Variants in ABCC1 observed in about 807,000 individuals in gnomAD.
ABCC1 encodes ATP binding cassette subfamily C member 1 (ABCC1 blood group).
Under a neutral mutation model 172.9 loss-of-function variants are expected in ABCC1, and 83 were observed. The observed-to-expected ratio is 0.48, with a 90% CI of 0.40 to 0.58. The LOEUF (loss-of-function observed/expected upper bound fraction) is 0.58, where lower values mean the gene tolerates loss of function less well. Ranked by LOEUF, ABCC1 falls within the 20% of genes least tolerant of loss-of-function variation. The pLI is 0.00. For synonymous variants in ABCC1, 937 were observed against 825.2 expected, an observed-to-expected ratio of 1.14 and a Z score of -2.32; for missense variants, 1,817 against 2,002.7, an observed-to-expected ratio of 0.91 and a Z score of 1.77.
At chr16:16,048,354 G>C (rs760609085) in intron 10 of ABCC1, 51 bp downstream of exon 10, 16 of 1,601,278 alleles carry the variant, frequency 1.0e-5, no homozygotes, top group Non-Finnish European at 1.4e-5. Context: ...ACTTCTACGT[G>C]TGGGCAGTGG....
chr16:16,124,846 G>A lies in ABCC1; in HGVS notation c.3648G>A (p.Leu1216=), dbSNP rs1334782997. The stretch of plus-strand genomic sequence containing the variant: ...ACTGCATCGTTCTGTTTGCTGCCCT[G>A]TTTGCGGTGATCTCCAGGCACAGCC... ...VGNCIVLFAA[L]FAVISRHSLS... Residue 1216 remains leucine, a synonymous_variant, in exon 25 of 31, where the codon CTG becomes CTA. Coordinates refer to ENST00000399410, the MANE Select transcript of ABCC1 (RefSeq NM_004996.4). 2 of 1,614,230 alleles carry A rather than the reference G, an allele frequency of 1.2e-6. No individual in the cohort carries two copies. Among genetic ancestry groups the A allele is most frequent in the East Asian group, 2.2e-5 (1 of 44,886 alleles).
chr16:16,058,752 GCGATTCTTCCA>G (rs2049780812), intron 12 of ABCC1, among the ~76,000 whole-genome samples: 1 of 152,170 alleles, frequency 6.6e-6, no homozygotes, highest in Non-Finnish European at 1.5e-5. Context: ...CCGGGTTCAA[GCGATTCTTCCA>G]CCTCAGCCTC....
At chr16:16,004,150 T>C (rs1230557651) in intron 1 of ABCC1, among the ~76,000 whole-genome samples, 1 of 152,004 alleles carries the variant, frequency 6.6e-6, no homozygotes, top group East Asian at 1.9e-4. Flanking sequence ...GAACACTGAC[T>C]GTGGTGGGGA....
chr16:16,105,930 G>A (rs1432164830), intron 20 of ABCC1, among the ~76,000 whole-genome samples: 1 of 149,516 alleles, frequency 6.7e-6, no homozygotes, highest in Non-Finnish European at 1.5e-5. Context: ...AGGCTGGAGT[G>A]CAGTGGTGCA....
intron 1 of ABCC1, among the ~76,000 whole-genome samples, chr16:15,999,432 A>G (rs1413482507): frequency 6.6e-6 from 1 of 151,824 alleles, no homozygotes; most frequent in African/African-American, 2.4e-5. Flanking sequence ...CCTGACCAAC[A>G]TGGAGAAACC....
chr16:16,080,332 A>G (rs374709349), intron 16 of ABCC1, among the ~76,000 whole-genome samples: 2 of 152,284 alleles, frequency 1.3e-5, no homozygotes, highest in South Asian at 4.2e-4. Context: ...TTTTAAAGGG[A>G]ACAGTTTAAA....
At chr16:16,077,409 A>G (rs1054823269) in intron 15 of ABCC1, among the ~76,000 whole-genome samples, 1 of 152,094 alleles carries the variant, frequency 6.6e-6, no homozygotes, top group African/African-American at 2.4e-5. Flanking sequence ...GAGCTGCACA[A>G]CTAATCTGTA....
chr16:16,132,506 G>GTTT (rs1567441293), intron 27 of ABCC1, among the ~76,000 whole-genome samples: 16 of 100,972 alleles, frequency 1.6e-4, no homozygotes, highest in African/African-American at 4.3e-4. Context: ...TTTTTTGGTT[G>GTTT]GTTGTTTTTT....
At chr16:15,984,757 T>C (rs1273795511) in intron 1 of ABCC1, among the ~76,000 whole-genome samples, 2 of 152,206 alleles carry the variant, frequency 1.3e-5, no homozygotes, top group Non-Finnish European at 2.9e-5. Flanking sequence ...ATATGTATTA[T>C]ATAAACATAT....
At chr16:16,117,208 A>G (rs2044924578) in intron 23 of ABCC1, among the ~76,000 whole-genome samples, 1 of 152,224 alleles carries the variant, frequency 6.6e-6, no homozygotes, top group Admixed American at 6.5e-5. Flanking sequence ...ACAGTTCCGC[A>G]TGGCTGAGGA....
intron 1 of ABCC1, among the ~76,000 whole-genome samples, chr16:15,987,370 C>G (rs967471613): frequency 1.3e-5 from 2 of 152,024 alleles, no homozygotes; most frequent in African/African-American, 4.8e-5. Flanking sequence ...GAGCTGAAGC[C>G]CCATCTGCCT....
intron 20 of ABCC1, among the ~76,000 whole-genome samples, chr16:16,103,970 C>T (rs558519302): frequency 2.6e-5 from 4 of 152,066 alleles, no homozygotes; most frequent in Non-Finnish European, 2.9e-5. Context: ...CTGGTGGGTT[C>T]GTGGTCTCGC....
intron 11 of ABCC1, among the ~76,000 whole-genome samples, chr16:16,054,572 G>A (rs570997341): frequency 6.8e-6 from 1 of 147,110 alleles, no homozygotes; most frequent in African/African-American, 2.5e-5. Flanking sequence ...ACATGGGCCT[G>A]TTGGAAGGAG....
At chr16:16,110,292 C>T (rs28501979) in intron 21 of ABCC1, among the ~76,000 whole-genome samples, 48,900 of 151,972 alleles carry the variant, frequency 0.32, 8,281 homozygotes, top group African/African-American at 0.41. Context: ...TCATGTTGGC[C>T]AGGCTGGTCT....
chr16:16,125,743 A>AAAAAAAAG (rs1395733155), intron 25 of ABCC1, 67 bp from the exon 26 acceptor site: 2 of 1,204,024 alleles, frequency 1.7e-6, no homozygotes, highest in Admixed American at 2.4e-5. Flanking sequence ...TCAGTGGAAA[A>AAAAAAAAG]AAAGAAAAAG....
At chr16:16,122,734 A>AAG (rs1491513232) in intron 24 of ABCC1, among the ~76,000 whole-genome samples, 1 of 143,066 alleles carries the variant, frequency 7.0e-6, no homozygotes, top group Admixed American at 7.0e-5. Context: ...AAAAAAAAAA[A>AAG]GTAGCCCATC....
chr16:15,978,542 C>G (rs555436615), intron 1 of ABCC1, among the ~76,000 whole-genome samples: 1 of 152,150 alleles, frequency 6.6e-6, no homozygotes, highest in East Asian at 1.9e-4. Flanking sequence ...TTTGTAATGG[C>G]CATTTATGGA....
intron 13 of ABCC1, among the ~76,000 whole-genome samples, chr16:16,068,909 C>T: frequency 6.6e-6 from 1 of 151,446 alleles, no homozygotes; most frequent in Non-Finnish European, 1.5e-5. Context: ...ATTGCTTGAG[C>T]CCAGGAGGAA....
intron 23 of ABCC1, among the ~76,000 whole-genome samples, chr16:16,121,049 A>G (rs540358853): frequency 1.3e-5 from 2 of 152,304 alleles, no homozygotes; most frequent in African/African-American, 4.8e-5. Context: ...TCAACCTAGT[A>G]TTACCAGGCA....
Sources: gnomAD v4.1 joint callset for allele counts (sites outside exome capture counted in the v4.1 genomes callset) on GRCh38, gnomAD v4.1.1 for gene constraint, MANE v1.5 for transcripts, NCBI Gene and HGNC (gene_info 2026-07-23, HGNC 2026-07-21) for gene names.